GATAD2A: variants seen among roughly 807,000 people sequenced by gnomAD.
The protein encoded by GATAD2A is GATA zinc finger domain containing 2A.
A neutral mutation model predicts 68.5 loss-of-function variants in GATAD2A; 12 were observed. That is an observed-to-expected ratio of 0.18 (90% CI 0.11 to 0.28). The LOEUF is 0.28. GATAD2A is among the 10% of genes least tolerant of loss of function. The pLI, the probability that GATAD2A is intolerant of heterozygous loss-of-function variation, is 1.00. For missense variants in GATAD2A, 755 were observed against 868.5 expected (o/e 0.87, Z 1.64); for synonymous variants, 410 against 375.3 (o/e 1.09, Z -1.07).
intron 2 of GATAD2A, among the ~76,000 whole-genome samples, chr19:19,483,740 G>A (rs1487868117): frequency 1.3e-5 from 2 of 151,284 alleles, no homozygotes; most frequent in Admixed American, 6.6e-5. Context: ...TCAGCCTCCC[G>A]AGTAGCTGGG....
chr19:19,408,953 C>T (rs188650755), intron 1 of GATAD2A, among the ~76,000 whole-genome samples: 3 of 149,624 alleles, frequency 2.0e-5, no homozygotes, highest in African/African-American at 7.4e-5. Context: ...TAGCAGATGA[C>T]TAAAGGATGC....
At chr19:19,486,486 G>A (rs943644483) in intron 2 of GATAD2A, among the ~76,000 whole-genome samples, 1 of 152,230 alleles carries the variant, frequency 6.6e-6, no homozygotes, top group African/African-American at 2.4e-5. Flanking sequence ...TGCTGGATGT[G>A]GGCGGCTGGC....
chr19:19,454,979 A>G (rs1024694772), intron 1 of GATAD2A, among the ~76,000 whole-genome samples: 1 of 152,182 alleles, frequency 6.6e-6, no homozygotes, highest in African/African-American at 2.4e-5. Flanking sequence ...TAATTCGCAG[A>G]CACGCCCATT....
intron 1 of GATAD2A, among the ~76,000 whole-genome samples, chr19:19,388,426 C>T (rs911403587): frequency 6.6e-6 from 1 of 152,102 alleles, no homozygotes; most frequent in African/African-American, 2.4e-5. Flanking sequence ...AGAAATGTAC[C>T]CCTCCTTCAG....
chr19:19,465,642 C>G (rs981968012), intron 2 of GATAD2A, 28 bp downstream of exon 2: 3 of 1,570,058 alleles, frequency 1.9e-6, no homozygotes, highest in Non-Finnish European at 2.6e-6. Context: ...GCGGGAGGGG[C>G]TGGAACCTGG....
chr19:19,455,333 AC>A (rs2147881282), intron 1 of GATAD2A, among the ~76,000 whole-genome samples: 1 of 152,202 alleles, frequency 6.6e-6, no homozygotes, highest in East Asian at 1.9e-4. Context: ...CTACTAAAAT[AC>A]AAAAAGTTAG....
upstream of GATAD2A, among the ~76,000 whole-genome samples, chr19:19,403,199 A>T (rs73528423): frequency 6.6e-6 from 1 of 152,272 alleles, no homozygotes; most frequent in African/African-American, 2.4e-5. Context: ...AGGTGATTGC[A>T]TCATATTTCA....
intron 2 of GATAD2A, among the ~76,000 whole-genome samples, chr19:19,483,142 A>G (rs953042496): frequency 1.3e-5 from 2 of 152,108 alleles, no homozygotes; most frequent in African/African-American, 4.8e-5. Flanking sequence ...CCTCTGCTCT[A>G]GCTGGGGACC....
intron 2 of GATAD2A, among the ~76,000 whole-genome samples, chr19:19,488,288 C>G (rs751789355): frequency 6.6e-6 from 1 of 152,228 alleles, no homozygotes; most frequent in Non-Finnish European, 1.5e-5. Flanking sequence ...AGACTGAACC[C>G]TAAGGACAGA....
chr19:19,504,524 G>A (rs900865805), intron 11 of GATAD2A, among the ~76,000 whole-genome samples: 3 of 151,698 alleles, frequency 2.0e-5, no homozygotes, highest in South Asian at 2.1e-4. Flanking sequence ...ACAGTGGCTC[G>A]TGCCTATAAT....
intron 1 of GATAD2A, among the ~76,000 whole-genome samples, chr19:19,408,199 C>G (rs1187010438): frequency 6.6e-6 from 1 of 152,166 alleles, no homozygotes; most frequent in Admixed American, 6.6e-5. Context: ...GCTGGCCAGG[C>G]TGGTCTCGAA....
At chr19:19,450,762 ACT>A (rs1232274325) in intron 1 of GATAD2A, among the ~76,000 whole-genome samples, 27 of 133,526 alleles carry the variant, frequency 2.0e-4, no homozygotes, top group Admixed American at 6.6e-4. Flanking sequence ...AAAAAAAAAA[ACT>A]CTTTTTTTTT....
chr19:19,412,125 T>C (rs893842650), intron 1 of GATAD2A, among the ~76,000 whole-genome samples: 6 of 151,808 alleles, frequency 4.0e-5, no homozygotes, highest in African/African-American at 9.7e-5. Context: ...CCGCTTTTTT[T>C]TCTCTCTCTT....
chr19:19,447,624 C>G (rs535264075), intron 1 of GATAD2A, among the ~76,000 whole-genome samples: 1 of 152,160 alleles, frequency 6.6e-6, no homozygotes, highest in Non-Finnish European at 1.5e-5. Context: ...GTGGGTAGAC[C>G]CACGGGCTGG....
At chr19:19,404,460 CACG>C (rs1568699314), upstream of GATAD2A, among the ~76,000 whole-genome samples, 2 of 151,988 alleles carry the variant, frequency 1.3e-5, no homozygotes, top group African/African-American at 4.8e-5. Flanking sequence ...GCGAACAGAT[CACG>C]ACATCAGGAG....
intron 10 of GATAD2A, 115 bp downstream of exon 10, chr19:19,502,158 T>A (rs1826844541): frequency 1.8e-5 from 16 of 905,726 alleles, no homozygotes; most frequent in South Asian, 3.0e-5. Context: ...TCTGTTTCAC[T>A]CTCTCCCCTC....
At chr19:19,388,290 C>G (rs909064622) in intron 1 of GATAD2A, among the ~76,000 whole-genome samples, 6 of 152,114 alleles carry the variant, frequency 3.9e-5, no homozygotes, top group African/African-American at 7.2e-5. Context: ...CTCCCAACCT[C>G]AGGTGATCCG....
chr19:19,502,605 T>C (rs753523505), intron 11 of GATAD2A, 79 bp downstream of exon 11: 117 of 1,157,024 alleles, frequency 1.0e-4, no homozygotes, highest in Non-Finnish European at 1.4e-4. Context: ...CAGAGGCACA[T>C]GTGCAGCGGG....
chr19:19,453,807 G>A (rs2056641718), intron 1 of GATAD2A, among the ~76,000 whole-genome samples: 1 of 151,792 alleles, frequency 6.6e-6, no homozygotes, highest in South Asian at 2.1e-4. Flanking sequence ...GGGATTACAG[G>A]TGCCCGCCAC....
Sources: allele counts gnomAD v4.1 joint callset (sites outside exome capture counted in the v4.1 genomes callset), GRCh38; gene constraint gnomAD v4.1.1; transcripts MANE v1.5; gene names NCBI Gene and HGNC (gene_info 2026-07-23, HGNC 2026-07-21).